Variants in MAGI2 observed in about 807,000 individuals in gnomAD.
MAGI2 encodes the protein membrane associated guanylate kinase, WW and PDZ domain containing 2, also known as membrane-associated guanylate kinase, WW and PDZ domain-containing protein 2.
In MAGI2, 35 loss-of-function variants were observed where a neutral mutation model predicts 133.3. The observed-to-expected ratio is 0.26, with a 90% CI of 0.20 to 0.35. The LOEUF is 0.35. Ranked by LOEUF, MAGI2 falls within the 10% of genes least tolerant of loss-of-function variation. MAGI2 has a pLI of 1.00. For synonymous variants in MAGI2, 729 were observed against 710.6 expected, an observed-to-expected ratio of 1.03 and a Z score of -0.41; for missense variants, 1,636 against 1,863.4, an observed-to-expected ratio of 0.88 and a Z score of 2.25.
At chr7:78,677,020 A>G (rs1815115832) in intron 2 of MAGI2, among the ~76,000 whole-genome samples, 1 of 152,158 alleles carries the variant, frequency 6.6e-6, no homozygotes, top group Non-Finnish European at 1.5e-5. Flanking sequence ...TTGAGTCAAC[A>G]TAACTCAGTT....
chr7:78,364,044 T>C, intron 7 of MAGI2, among the ~76,000 whole-genome samples: 1 of 151,810 alleles, frequency 6.6e-6, no homozygotes, highest in East Asian at 2.0e-4. Flanking sequence ...TCCCTCCTCC[T>C]TCTTCTCTAT....
At chr7:78,294,479 T>C (rs1488176876) in intron 9 of MAGI2, among the ~76,000 whole-genome samples, 4 of 152,160 alleles carry the variant, frequency 2.6e-5, no homozygotes, top group Non-Finnish European at 5.9e-5. Context: ...TGTGTTTCTT[T>C]TTCATTTTTG....
chr7:79,022,366 C>T (rs2116704208), intron 1 of MAGI2, among the ~76,000 whole-genome samples: 2 of 152,158 alleles, frequency 1.3e-5, no homozygotes, highest in Middle Eastern at 3.4e-3. Flanking sequence ...CTCTGAGATA[C>T]ATCCAAAGCA....
chr7:78,646,338 T>C (rs1170432014), intron 2 of MAGI2, among the ~76,000 whole-genome samples: 2 of 152,184 alleles, frequency 1.3e-5, no homozygotes, highest in African/African-American at 4.8e-5. Flanking sequence ...AGAACACTTA[T>C]AATCATATAA....
chr7:78,257,682 A>G (rs1401507558), intron 9 of MAGI2, among the ~76,000 whole-genome samples: 1 of 152,116 alleles, frequency 6.6e-6, no homozygotes, highest in South Asian at 2.1e-4. Context: ...ATTTTTGGAG[A>G]ACTATTTTAT....
intron 6 of MAGI2, among the ~76,000 whole-genome samples, chr7:78,428,552 T>C (rs2151425397): frequency 6.6e-6 from 1 of 152,312 alleles, no homozygotes; most frequent in South Asian, 2.1e-4. Flanking sequence ...TCAAAAAGTA[T>C]ATTTAAAAAA....
At chr7:79,298,509 C>T (rs1837125011) in intron 1 of MAGI2, among the ~76,000 whole-genome samples, 2 of 152,032 alleles carry the variant, frequency 1.3e-5, no homozygotes, top group South Asian at 2.1e-4. Context: ...ATAAGAAAAA[C>T]ATTTTTAAAT....
chr7:78,590,522 T>C (rs1366932824), intron 3 of MAGI2, among the ~76,000 whole-genome samples: 2 of 152,132 alleles, frequency 1.3e-5, no homozygotes, highest in African/African-American at 4.8e-5. Context: ...TAAACTAAAA[T>C]ATAAAAACCT....
intron 1 of MAGI2, among the ~76,000 whole-genome samples, chr7:79,166,570 ATGTGGTAATT>A (rs1824939165): frequency 6.6e-6 from 1 of 152,134 alleles, no homozygotes; most frequent in Non-Finnish European, 1.5e-5. Context: ...TATTGTCTTA[ATGTGGTAATT>A]TGTTGGGCAG....
chr7:78,783,738 T>A (rs939987327), intron 2 of MAGI2, among the ~76,000 whole-genome samples: 1 of 152,216 alleles, frequency 6.6e-6, no homozygotes, highest in Non-Finnish European at 1.5e-5. Context: ...GCTGAGTTCC[T>A]GACCCCAGTT....
At chr7:78,305,351 G>A (rs1056326794) in intron 9 of MAGI2, among the ~76,000 whole-genome samples, 4 of 152,110 alleles carry the variant, frequency 2.6e-5, no homozygotes, top group Admixed American at 6.6e-5. Context: ...CTGTACTGTC[G>A]TTGCTGCTCA....
chr7:78,076,415 C>T lies in MAGI2; in HGVS notation c.3706+2532G>A, dbSNP rs556528312. ...CAGAGGTTGCAGTGAACCAAGATCA[C>T]ACCACTCCACTCCAGTCTGGGCGAC... is the stretch of plus-strand genomic sequence containing the variant. On this transcript the variant is annotated intron_variant, in intron 21 of 21. Coordinates refer to ENST00000354212, the MANE Select transcript of MAGI2 (RefSeq NM_012301.4). 2.8e-5 allele frequency among the ~76,000 whole-genome samples: 4 copies of T among 144,294 alleles called. No homozygotes were observed. The East Asian group carries it at 8.1e-4, about 29-fold the overall frequency. The allele number at this position is 144,294 out of a possible 152,430, so 94.7% of individuals were successfully genotyped here. A position where few individuals can be genotyped will look rare whatever the true frequency, so the allele number is the denominator to read the frequency against.
At chr7:78,646,499 T>C (rs187569737) in intron 2 of MAGI2, among the ~76,000 whole-genome samples, 5 of 152,308 alleles carry the variant, frequency 3.3e-5, no homozygotes, top group Admixed American at 3.3e-4. Flanking sequence ...AGTGAAACAT[T>C]AGTAACTTTC....
At chr7:79,050,486 G>A (rs926904137) in intron 1 of MAGI2, among the ~76,000 whole-genome samples, 2 of 152,086 alleles carry the variant, frequency 1.3e-5, no homozygotes, top group African/African-American at 4.8e-5. Flanking sequence ...GGGCTCAAGC[G>A]ATCCTCCTGC....
chr7:78,117,399 T>A (rs556417137), intron 20 of MAGI2, among the ~76,000 whole-genome samples: 1 of 152,168 alleles, frequency 6.6e-6, no homozygotes, highest in African/African-American at 2.4e-5. Flanking sequence ...ATATGATTAA[T>A]CATATTAATT....
chr7:78,963,242 A>G (rs1292413139), intron 2 of MAGI2, among the ~76,000 whole-genome samples: 1 of 152,146 alleles, frequency 6.6e-6, no homozygotes, highest in Admixed American at 6.6e-5. Flanking sequence ...AGCCTAAAAT[A>G]TTTACTATCA....
At chr7:79,060,363 A>T (rs536589152) in intron 1 of MAGI2, among the ~76,000 whole-genome samples, 1 of 152,096 alleles carries the variant, frequency 6.6e-6, no homozygotes, top group African/African-American at 2.4e-5. Context: ...TTTTTAAAAA[A>T]AAACTTGGTG....
rs538229499 is a variant in MAGI2 at position 78,995,201 on chromosome 7, G to A, written c.418+11889C>T. Among the ~76,000 whole-genome samples, 62 of 151,956 alleles carry A rather than the reference G, an allele frequency of 4.1e-4. No individual in the cohort carries two copies. The South Asian group carries it at 7.3e-3, about 18-fold the overall frequency. On this transcript the variant is annotated intron_variant, in intron 2 of 21. Coordinates refer to ENST00000354212, the MANE Select transcript of MAGI2 (RefSeq NM_012301.4). ...AAAAATCACAAAAAAATCTCATAAC[G>A]TCTTAAAAGAGTTTACAAGTTTGTG...
intron 2 of MAGI2, among the ~76,000 whole-genome samples, chr7:78,695,186 C>T (rs1371031420): frequency 6.6e-6 from 1 of 152,184 alleles, no homozygotes; most frequent in East Asian, 1.9e-4. Flanking sequence ...GATCACACCA[C>T]TGCACTCCAG....
Sources: gnomAD v4.1 joint callset for allele counts (sites outside exome capture counted in the v4.1 genomes callset) on GRCh38, gnomAD v4.1.1 for gene constraint, MANE v1.5 for transcripts, NCBI Gene and HGNC (gene_info 2026-07-23, HGNC 2026-07-21) for gene names.